The following TNRC6B variants were observed in gnomAD, a reference collection of about 807,000 sequenced individuals.
TNRC6B encodes trinucleotide repeat containing adaptor 6B.
TNRC6B carries 52 observed loss-of-function variants against 203.6 expected under a neutral mutation model. That is an observed-to-expected ratio of 0.26 (90% CI 0.20 to 0.32). The LOEUF (loss-of-function observed/expected upper bound fraction) is 0.32, where lower values mean the gene tolerates loss of function less well. TNRC6B is among the 10% of genes least tolerant of loss of function. The pLI, the probability that TNRC6B is intolerant of heterozygous loss-of-function variation, is 1.00. For synonymous variants in TNRC6B, 838 were observed against 845.7 expected, an observed-to-expected ratio of 0.99 and a Z score of 0.16; for missense variants, 1,923 against 2,286.2, an observed-to-expected ratio of 0.84 and a Z score of 3.24.
intron 4 of TNRC6B, among the ~76,000 whole-genome samples, chr22:40,262,487 A>G (rs142550628): frequency 3.4e-4 from 52 of 152,022 alleles, no homozygotes; most frequent in African/African-American, 1.2e-3. Flanking sequence ...ATATGTGTTC[A>G]GGGCATAATT....
At position 40,265,646 on chromosome 22, in the gene TNRC6B, T is replaced by C. The variant is rs756448992; in HGVS notation, c.1416T>C (p.Ser472=). The C allele has an allele frequency of 5.0e-6, 8 of 1,613,850 alleles. No individual in the cohort carries two copies. Among genetic ancestry groups the C allele is most frequent in the Non-Finnish European group, 2.5e-6 (3 of 1,179,830 alleles). Residue 472 remains serine (S), a synonymous_variant, in exon 5 of 23, where the codon TCT becomes TCC. Transcript: ENST00000454349. ...AATCAACTGGGTCAAAAAATGACTCTTGGGACAACAATAACAGGTCTACGG... is the reference window on the plus strand; with the variant it reads ...AATCAACTGGGTCAAAAAATGACTCCTGGGACAACAATAACAGGTCTACGG... ...VQKSTGSKND[S]WDNNNRSTGG...
intron 12 of TNRC6B, among the ~76,000 whole-genome samples, chr22:40,287,091 G>T (rs1445343972): frequency 1.3e-5 from 2 of 152,068 alleles, no homozygotes; most frequent in Non-Finnish European, 2.9e-5. Flanking sequence ...CTCATGGCAA[G>T]CTCAAACTCT....
intron 1 of TNRC6B, among the ~76,000 whole-genome samples, chr22:40,071,350 A>G (rs2067945986): frequency 1.3e-5 from 2 of 152,176 alleles, no homozygotes; most frequent in African/African-American, 4.8e-5. Context: ...AATAAATGCT[A>G]AGTAAAAGAG....
At chr22:40,088,575 C>T (rs1206451721) in intron 1 of TNRC6B, among the ~76,000 whole-genome samples, 2 of 121,446 alleles carry the variant, frequency 1.6e-5, no homozygotes, top group African/African-American at 3.1e-5. Flanking sequence ...CCATGCCCGG[C>T]GGCTACTTTT....
chr22:40,215,683 A>G (rs9623150), intron 1 of TNRC6B, among the ~76,000 whole-genome samples: 1 of 152,192 alleles, frequency 6.6e-6, no homozygotes, highest in African/African-American at 2.4e-5. Context: ...TCCCACCTCT[A>G]TAGTACCTTA....
intron 12 of TNRC6B, 93 bp downstream of exon 12, chr22:40,285,863 A>G (rs1183432136): frequency 6.8e-7 from 1 of 1,464,236 alleles, no homozygotes. Context: ...AAAAAGAATG[A>G]TAGTAAGTAG....
chr22:40,237,689 C>G (rs1193814959), intron 1 of TNRC6B, among the ~76,000 whole-genome samples: 3 of 152,110 alleles, frequency 2.0e-5, no homozygotes, highest in Admixed American at 2.0e-4. Flanking sequence ...CTGGGACTTA[C>G]TCTTCTCTTG....
chr22:40,247,518 C>G (rs376580931), intron 2 of TNRC6B, among the ~76,000 whole-genome samples: 12 of 152,240 alleles, frequency 7.9e-5, no homozygotes, highest in Admixed American at 1.3e-4. Context: ...GCATATGTCC[C>G]TGCTATGTTA....
intron 3 of TNRC6B, among the ~76,000 whole-genome samples, chr22:40,133,191 C>T (rs1040209470): frequency 6.6e-6 from 1 of 151,684 alleles, no homozygotes; most frequent in South Asian, 2.1e-4. Context: ...TGTCTGGTTT[C>T]GCTGTCACAT....
chr22:40,249,079 G>A (rs914030816), intron 2 of TNRC6B, among the ~76,000 whole-genome samples: 2 of 152,100 alleles, frequency 1.3e-5, no homozygotes, highest in African/African-American at 4.8e-5. Flanking sequence ...TCATTCATTC[G>A]GTCCGCAAAC....
chr22:40,218,324 CT>C (rs71199275), intron 1 of TNRC6B, among the ~76,000 whole-genome samples: 132 of 97,488 alleles, frequency 1.4e-3, no homozygotes, highest in African/African-American at 4.0e-3. Context: ...TTTTTCTTTT[CT>C]TTTTTTTTTT....
At chr22:40,246,276 G>C in intron 2 of TNRC6B, 174 bp downstream of exon 2, 1 of 416,980 alleles carries the variant, frequency 2.4e-6, no homozygotes, top group Non-Finnish European at 4.3e-6. Flanking sequence ...TACAACCTCC[G>C]CTTCCCAGGT....
intron 12 of TNRC6B, among the ~76,000 whole-genome samples, chr22:40,289,963 A>G (rs1485177933): frequency 2.0e-5 from 3 of 152,256 alleles, no homozygotes; most frequent in Non-Finnish European, 4.4e-5. Context: ...TCATTGCATC[A>G]GTAAGACTGC....
In TNRC6B at chr22:40,111,028, C is replaced by G. The variant is rs576001426; in HGVS notation, c.-120-6027C>G. ...ACCTCCTAGTGTACACACACATAAG[C>G]AAGCCTAGTGTGTGTTCTGAGTGCA... is the stretch of plus-strand genomic sequence containing the variant. On this transcript the variant is annotated intron_variant, in intron 1 of 23. Coordinates refer to the TNRC6B transcript ENST00000301923. Among the ~76,000 whole-genome samples, 8 of 152,270 alleles carry G rather than the reference C, an allele frequency of 5.3e-5. No homozygotes were observed. In the South Asian group the frequency reaches 1.5e-3, roughly 28 times the overall value.
At chr22:40,047,407 G>A (rs2067699718) in intron 1 of TNRC6B, among the ~76,000 whole-genome samples, 1 of 150,360 alleles carries the variant, frequency 6.7e-6, no homozygotes, top group African/African-American at 2.5e-5. Flanking sequence ...TTGGAGACCA[G>A]CGTGGCCAAC....
chr22:40,239,419 G>A (rs139741293), intron 1 of TNRC6B, among the ~76,000 whole-genome samples: 22 of 152,240 alleles, frequency 1.4e-4, no homozygotes, highest in African/African-American at 4.8e-4. Flanking sequence ...AGACCTTGAG[G>A]GCCAAACAAG....
At chr22:40,310,646 C>T (rs1222136117) in intron 16 of TNRC6B, among the ~76,000 whole-genome samples, 171 bp from the exon 17 acceptor site, 2 of 152,158 alleles carry the variant, frequency 1.3e-5, no homozygotes, top group Non-Finnish European at 2.9e-5. Flanking sequence ...TGTTGTTGGT[C>T]ATGCTGCTTA....
chr22:40,267,409 A>G (rs2070496827), intron 5 of TNRC6B, among the ~76,000 whole-genome samples: 2 of 152,236 alleles, frequency 1.3e-5, no homozygotes, highest in Admixed American at 1.3e-4. Context: ...GGTTCTACCC[A>G]TGGACATGTC....
At chr22:40,267,783 C>A (rs1384826499) in intron 5 of TNRC6B, among the ~76,000 whole-genome samples, 1 of 152,016 alleles carries the variant, frequency 6.6e-6, no homozygotes, top group Non-Finnish European at 1.5e-5. Context: ...GTAAGAGGAT[C>A]GCCTAAGCCC....
Sources: allele counts gnomAD v4.1 joint callset (sites outside exome capture counted in the v4.1 genomes callset), GRCh38; gene constraint gnomAD v4.1.1; transcripts MANE v1.5; gene names NCBI Gene and HGNC (gene_info 2026-07-23, HGNC 2026-07-21).